Variants in MAGI2 observed in about 807,000 individuals in gnomAD.
The protein encoded by MAGI2 is membrane associated guanylate kinase, WW and PDZ domain containing 2.
In MAGI2, 35 loss-of-function variants were observed where a neutral mutation model predicts 133.3. That is an observed-to-expected ratio of 0.26 (90% CI 0.20 to 0.35). MAGI2 has a LOEUF of 0.35. MAGI2 is among the 10% of genes least tolerant of loss of function. The pLI, the probability that MAGI2 is intolerant of heterozygous loss-of-function variation, is 1.00. For synonymous variants in MAGI2, 729 were observed against 710.6 expected, an observed-to-expected ratio of 1.03 and a Z score of -0.41; for missense variants, 1,636 against 1,863.4, an observed-to-expected ratio of 0.88 and a Z score of 2.25.
chr7:78,261,274 G>A (rs574147896), intron 9 of MAGI2, among the ~76,000 whole-genome samples: 1 of 152,188 alleles, frequency 6.6e-6, no homozygotes, highest in African/African-American at 2.4e-5. Flanking sequence ...CTTACAACTT[G>A]TTACTTGCCT....
At chr7:78,511,930 C>T (rs1192724067) in intron 4 of MAGI2, among the ~76,000 whole-genome samples, 1 of 135,652 alleles carries the variant, frequency 7.4e-6, no homozygotes, top group Non-Finnish European at 1.6e-5. Context: ...CTCGTCTCTA[C>T]TAAAAAAAAA....
At chr7:78,355,444 T>C (rs1384627162) in intron 7 of MAGI2, among the ~76,000 whole-genome samples, 5 of 152,216 alleles carry the variant, frequency 3.3e-5, no homozygotes, top group Non-Finnish European at 5.9e-5. Context: ...AAAGGGAAGA[T>C]AGTGGATGGC....
At chr7:78,239,018 T>C (rs1310604451) in intron 10 of MAGI2, among the ~76,000 whole-genome samples, 2 of 151,272 alleles carry the variant, frequency 1.3e-5, no homozygotes, top group Non-Finnish European at 3.0e-5. Context: ...TGCCTCAAAA[T>C]CTTCTGCTTG....
rs554633420 is a variant in MAGI2 at position 78,596,352 on chromosome 7, C to T, written c.538+30768G>A. On this transcript the variant is annotated intron_variant, in intron 3 of 21. Coordinates refer to ENST00000354212, the MANE Select transcript of MAGI2 (RefSeq NM_012301.4). ...TAGTTCCTTTTTATTTAGGTATTGA[C>T]TGTCAACCCAGTGGTAGATGCTGGG... Among the ~76,000 whole-genome samples the T allele has an allele frequency of 6.1e-4, 93 of 152,244 alleles. 1 individual carries two copies. The highest frequency in any genetic ancestry group is 2.2e-3 in the African/African-American group (91 of 41,544).
chr7:79,017,081 T>C (rs1195104678), intron 1 of MAGI2, among the ~76,000 whole-genome samples: 1 of 152,242 alleles, frequency 6.6e-6, no homozygotes, highest in East Asian at 1.9e-4. Flanking sequence ...CCATAGCTGA[T>C]GAGCATGCAA....
chr7:78,713,312 T>C (rs975820934), intron 2 of MAGI2, among the ~76,000 whole-genome samples: 6 of 152,190 alleles, frequency 3.9e-5, no homozygotes, highest in Non-Finnish European at 7.4e-5. Context: ...ACTTATGTAC[T>C]AGGCCCTATG....
At chr7:79,354,749 T>C (rs1330082362) in intron 1 of MAGI2, among the ~76,000 whole-genome samples, 1 of 152,110 alleles carries the variant, frequency 6.6e-6, no homozygotes, top group Non-Finnish European at 1.5e-5. Context: ...TGCCTCACAA[T>C]GGTAATATTA....
intron 2 of MAGI2, among the ~76,000 whole-genome samples, chr7:78,693,048 TA>T (rs1345967494): frequency 2.0e-5 from 3 of 152,098 alleles, no homozygotes; most frequent in Admixed American, 1.3e-4. Flanking sequence ...TCTGAAAGGA[TA>T]AAAAATGAAG....
intron 3 of MAGI2, among the ~76,000 whole-genome samples, chr7:78,602,063 A>G (rs1251256521): frequency 1.3e-5 from 2 of 152,202 alleles, no homozygotes; most frequent in East Asian, 3.9e-4. Context: ...TCAGAAGTCT[A>G]CTATTTCAGC....
intron 2 of MAGI2, among the ~76,000 whole-genome samples, chr7:78,632,000 T>TA (rs1348520860): frequency 6.6e-6 from 1 of 152,224 alleles, no homozygotes; most frequent in East Asian, 1.9e-4. Context: ...TCATATAACA[T>TA]ACTTAAGACA....
chr7:79,007,976 G>C (rs1011570170), intron 1 of MAGI2, among the ~76,000 whole-genome samples: 3 of 151,612 alleles, frequency 2.0e-5, no homozygotes, highest in Non-Finnish European at 2.9e-5. Flanking sequence ...CTGGGATATA[G>C]TTAAAAAGCC....
chr7:79,246,183 T>C (rs970038026), intron 1 of MAGI2, among the ~76,000 whole-genome samples: 12 of 152,112 alleles, frequency 7.9e-5, no homozygotes, highest in Non-Finnish European at 1.3e-4. Flanking sequence ...AAGAATGGGT[T>C]CAAACAAGCC....
chr7:78,419,760 A>G (rs1165312107), intron 6 of MAGI2, among the ~76,000 whole-genome samples: 1 of 152,132 alleles, frequency 6.6e-6, no homozygotes, highest in Non-Finnish European at 1.5e-5. Flanking sequence ...AGTTTGATGT[A>G]TACTATCAGA....
At chr7:79,116,260 C>A (rs1316653738) in intron 1 of MAGI2, among the ~76,000 whole-genome samples, 1 of 152,158 alleles carries the variant, frequency 6.6e-6, no homozygotes, top group Non-Finnish European at 1.5e-5. Flanking sequence ...CTAAGGCTCC[C>A]ATAACATCTC....
intron 2 of MAGI2, among the ~76,000 whole-genome samples, chr7:78,993,979 T>C (rs1806041246): frequency 1.3e-5 from 2 of 152,086 alleles, no homozygotes; most frequent in Non-Finnish European, 1.5e-5. Context: ...TGAGCCAGAA[T>C]TGGGGCATTT....
chr7:79,171,768 ATATTTTTTT>A (rs1211083547), intron 1 of MAGI2, among the ~76,000 whole-genome samples: 12 of 20,888 alleles, frequency 5.7e-4, no homozygotes, highest in African/African-American at 9.7e-4. Context: ...ATATATATAT[ATATTTTTTT>A]TTTTTTTTTC....
intron 3 of MAGI2, among the ~76,000 whole-genome samples, chr7:78,603,804 A>G (rs1805474343): frequency 6.6e-6 from 1 of 152,134 alleles, no homozygotes; most frequent in Non-Finnish European, 1.5e-5. Context: ...TACAGGTGTG[A>G]GTCACCCCGC....
At chr7:79,214,387 CTCTCTCTCTCTCTCTCTCTCTATA>C (rs1440356895) in intron 1 of MAGI2, among the ~76,000 whole-genome samples, 15 of 91,762 alleles carry the variant, frequency 1.6e-4, no homozygotes, top group Admixed American at 2.9e-4. Flanking sequence ...CTCTCTCTCT[CTCTCTCTCTCTCTCTCTCTCTATA>C]TATATATATA....
At chr7:78,741,928 A>G (rs1822474894) in intron 2 of MAGI2, among the ~76,000 whole-genome samples, 1 of 151,954 alleles carries the variant, frequency 6.6e-6, no homozygotes, top group Admixed American at 6.5e-5. Context: ...TTAAATTATA[A>G]GTTATCACGA....
Sources: gnomAD v4.1 joint callset for allele counts (sites outside exome capture counted in the v4.1 genomes callset) on GRCh38, gnomAD v4.1.1 for gene constraint, MANE v1.5 for transcripts, NCBI Gene and HGNC (gene_info 2026-07-23, HGNC 2026-07-21) for gene names.